The following MICAL3 variants were observed in gnomAD, a reference collection of about 807,000 sequenced individuals.
MICAL3 encodes the protein [F-actin]-monooxygenase MICAL3.
In MICAL3, 62 loss-of-function variants were observed where a neutral mutation model predicts 207.4. The observed-to-expected ratio is 0.30, with a 90% CI of 0.24 to 0.37. MICAL3 has a LOEUF of 0.37. Among genes scored for constraint, MICAL3 ranks in the 10% least tolerant of loss-of-function variants. The pLI is 1.00. For missense variants in MICAL3, 2,368 were observed against 2,635.6 expected (o/e 0.90, Z 2.22); for synonymous variants, 1,077 against 1,069.3 (o/e 1.01, Z -0.14).
chr22:17,861,400 C>T, intron 19 of MICAL3: 1 of 985,466 alleles, frequency 1.0e-6, no homozygotes, highest in Non-Finnish European at 1.2e-6. Flanking sequence ...ACGTGCTTCT[C>T]CCCGTCCATC....
In MICAL3 at chr22:17,819,015, G is replaced by A; in HGVS notation, c.3646C>T (p.Leu1216=). ...CGGATGGGAGAGTGCACAGCTTTCA[G>A]ATCCGAGGGGGCATCAGCTTTGGGC... is the stretch of plus-strand genomic sequence containing the variant. ...EKPKADAPSD[L]KAVHSPIRSQ... is the part of the protein sequence containing the mutation. The change falls in exon 26 of 32, where the codon CTG becomes TTG. Residue 1216 remains leucine (L), a synonymous_variant. Transcript: ENST00000441493. The A allele has an allele frequency of 1.2e-6, 2 of 1,607,910 alleles. No homozygotes were observed. The highest frequency in any genetic ancestry group is 1.7e-6 in the Non-Finnish European group (2 of 1,177,168).
At chr22:17,910,203 C>T (rs1002718103) in intron 1 of MICAL3, among the ~76,000 whole-genome samples, 3 of 152,152 alleles carry the variant, frequency 2.0e-5, no homozygotes, top group Non-Finnish European at 4.4e-5. Flanking sequence ...AAATCCTTCC[C>T]GTCATAGCGC....
At chr22:18,011,440 G>A (rs1923719607) in intron 1 of MICAL3, among the ~76,000 whole-genome samples, 2 of 152,194 alleles carry the variant, frequency 1.3e-5, no homozygotes, top group South Asian at 2.1e-4. Flanking sequence ...AGCTACTCGG[G>A]AGGCTGAGGC....
chr22:17,893,547 G>A (rs1235947718), intron 11 of MICAL3, among the ~76,000 whole-genome samples: 2 of 152,068 alleles, frequency 1.3e-5, no homozygotes, highest in Admixed American at 6.5e-5. Context: ...AGGTAATTCC[G>A]TGTGGTGGAG....
At chr22:18,020,385 A>C (rs1275534403) in intron 1 of MICAL3, among the ~76,000 whole-genome samples, 1 of 151,094 alleles carries the variant, frequency 6.6e-6, no homozygotes, top group Non-Finnish European at 1.5e-5. Context: ...GTGCACTTCC[A>C]TTTTCAAATT....
chr22:17,863,722 C>G, intron 19 of MICAL3: 1 of 985,376 alleles, frequency 1.0e-6, no homozygotes, highest in Non-Finnish European at 1.2e-6. Context: ...TCTTCCCTCT[C>G]CCAGAATGAG....
intron 19 of MICAL3, among the ~76,000 whole-genome samples, chr22:17,854,090 T>C (rs1925629452): frequency 6.6e-6 from 1 of 152,192 alleles, no homozygotes. Flanking sequence ...ACAATATAAC[T>C]GAGGCTGACA....
chr22:18,014,210 G>A (rs184106363), intron 1 of MICAL3, among the ~76,000 whole-genome samples: 10 of 152,224 alleles, frequency 6.6e-5, no homozygotes, highest in Admixed American at 2.0e-4. Flanking sequence ...AAAGAGCACA[G>A]GGTGCGCATA....
intron 1 of MICAL3, among the ~76,000 whole-genome samples, chr22:17,968,472 G>C (rs1042139242): frequency 6.6e-6 from 1 of 152,176 alleles, no homozygotes; most frequent in Non-Finnish European, 1.5e-5. Context: ...GACCTCACCA[G>C]ACCCTGGCTC....
At chr22:17,933,038 C>T (rs991030882) in intron 1 of MICAL3, among the ~76,000 whole-genome samples, 3 of 152,140 alleles carry the variant, frequency 2.0e-5, no homozygotes, top group Non-Finnish European at 4.4e-5. Flanking sequence ...TTTAACACCC[C>T]ACTGTCAATA....
rs148933192 is a variant in MICAL3, at chr22:17,820,270, C to T, written c.3532-1141G>A. On this transcript the variant is annotated intron_variant, in intron 25 of 31. Transcript: ENST00000441493. ...GACCTGCAGACAGTATTTCCCAAAC[C>T]ATGTTCCACAGGACCTGCTGTCACA... Among the ~76,000 whole-genome samples, 50 of 152,258 alleles carry T rather than the reference C, an allele frequency of 3.3e-4. 1 individual carries two copies. In the East Asian group the frequency reaches 7.9e-3, roughly 24 times the overall value.
intron 1 of MICAL3, among the ~76,000 whole-genome samples, chr22:17,988,231 CG>C (rs755406195): frequency 2.0e-5 from 3 of 152,216 alleles, no homozygotes; most frequent in Non-Finnish European, 4.4e-5. Context: ...CAGCATTATC[CG>C]GGGCGCTGCC....
chr22:18,016,230 T>C (rs1472999815), intron 1 of MICAL3, among the ~76,000 whole-genome samples: 1 of 152,214 alleles, frequency 6.6e-6, no homozygotes, highest in African/African-American at 2.4e-5. Context: ...CATAACAGTA[T>C]AATGGTGTTG....
chr22:17,884,776 G>A (rs1476826170), intron 16 of MICAL3, among the ~76,000 whole-genome samples: 2 of 152,226 alleles, frequency 1.3e-5, no homozygotes, highest in Non-Finnish European at 1.5e-5. Context: ...AGAGCCTCCA[G>A]ACAACCACAA....
chr22:17,918,598 T>A (rs1019718057), intron 1 of MICAL3, among the ~76,000 whole-genome samples: 2 of 152,060 alleles, frequency 1.3e-5, no homozygotes, highest in Non-Finnish European at 2.9e-5. Flanking sequence ...TAGCACTCAG[T>A]ATTATTACAA....
chr22:17,930,986 C>A (rs1933225713), intron 1 of MICAL3, among the ~76,000 whole-genome samples: 1 of 152,206 alleles, frequency 6.6e-6, no homozygotes, highest in Non-Finnish European at 1.5e-5. Context: ...CTCCCAACGC[C>A]CCCTCCTCCG....
Position 17,818,806 on chromosome 22 carries a change from G to C in MICAL3, c.3855C>G (p.Ala1285=). Residue 1285 remains alanine, a synonymous_variant, in exon 26 of 32, where the codon GCC becomes GCG. Coordinates refer to ENST00000441493, the MANE Select transcript of MICAL3 (RefSeq NM_015241.3). ...CCAGTGGGGTGGATGTTTTGGCCGG[G>C]GCAGGCTGGAAGCGTATGGGGGACT... ...PTQSPIRFQP[A]PAKTSTPLAP... 2 of 1,570,032 alleles carry C rather than the reference G, an allele frequency of 1.3e-6. No homozygotes were observed. Among genetic ancestry groups the C allele is most frequent in the Middle Eastern group, 1.7e-4 (1 of 5,866 alleles).
intron 16 of MICAL3, among the ~76,000 whole-genome samples, chr22:17,877,349 T>TATGGAGGTG (rs1928803738): frequency 1.1e-5 from 1 of 94,244 alleles, no homozygotes; most frequent in Admixed American, 9.8e-5. Context: ...TTAGGGAGGT[T>TATGGAGGTG]AGGGAGGTTA....
intron 1 of MICAL3, among the ~76,000 whole-genome samples, chr22:17,970,419 T>A (rs918453147): frequency 2.0e-5 from 3 of 152,198 alleles, no homozygotes; most frequent in Non-Finnish European, 4.4e-5. Context: ...ATCTTCGTGA[T>A]CTGCCGCAGG....
Sources: allele counts gnomAD v4.1 joint callset (sites outside exome capture counted in the v4.1 genomes callset), GRCh38; gene constraint gnomAD v4.1.1; transcripts MANE v1.5; gene names NCBI Gene and HGNC (gene_info 2026-07-23, HGNC 2026-07-21).